SEMA4G: variants seen among roughly 807,000 people sequenced by gnomAD.
SEMA4G encodes the protein semaphorin 4G.
SEMA4G carries 59 observed loss-of-function variants against 81.2 expected under a neutral mutation model. The observed-to-expected ratio is 0.73, with a 90% CI of 0.59 to 0.90. SEMA4G has a LOEUF of 0.90. Ranked by LOEUF, SEMA4G falls within the 40% of genes least tolerant of loss-of-function variation. The pLI is 0.00. For synonymous variants in SEMA4G, 404 were observed against 433.9 expected, an observed-to-expected ratio of 0.93 and a Z score of 0.86; for missense variants, 952 against 1,102.3, an observed-to-expected ratio of 0.86 and a Z score of 1.93.
chr10:100,983,362 C>T (rs1158667773), exon 14 of SEMA4G: 1 of 1,604,550 alleles, frequency 6.2e-7, no homozygotes, highest in Non-Finnish European at 8.5e-7. Flanking sequence ...GTCCTCCTGC[C>T]CTGTGACCAG....
At chr10:100,979,705 G>A (rs1589989320) in intron 8 of SEMA4G, 143 bp from the exon 10 acceptor site, 1 of 935,836 alleles carries the variant, frequency 1.1e-6, no homozygotes, top group East Asian at 2.4e-5. Flanking sequence ...AATGAATGCA[G>A]TGGTCCACTG....
chr10:100,984,272 T>G, exon 14 of SEMA4G: 1 of 1,441,828 alleles, frequency 6.9e-7, no homozygotes, highest in Non-Finnish European at 9.1e-7. Context: ...CCTGTAGGGC[T>G]GGCCAGTCAG....
exon 13 of SEMA4G, chr10:100,981,203 G>A (rs757411949): frequency 6.8e-6 from 11 of 1,614,102 alleles, no homozygotes; most frequent in Middle Eastern, 1.6e-4. Flanking sequence ...AGAGGAAATC[G>A]AGGCTGTGAG....
exon 6 of SEMA4G, chr10:100,978,634 C>T: frequency 6.2e-7 from 1 of 1,612,980 alleles, no homozygotes; most frequent in Non-Finnish European, 8.5e-7. Context: ...AATGCATTGG[C>T]TCAATGGTTA....
intron 13 of SEMA4G, among the ~76,000 whole-genome samples, chr10:100,982,618 C>G (rs1159814438): frequency 6.6e-6 from 1 of 152,144 alleles, no homozygotes; most frequent in African/African-American, 2.4e-5. Flanking sequence ...ATGGTGAAAC[C>G]CTGTCTCTAC....
downstream of SEMA4G, chr10:100,985,404 G>A (rs1339982424): frequency 3.9e-5 from 6 of 153,360 alleles, no homozygotes; most frequent in African/African-American, 1.4e-4. Flanking sequence ...TTTTGTAGCT[G>A]AGAACGTGGA....
At chr10:100,977,779 G>A (rs1449003346) in intron 4 of SEMA4G, 49 bp downstream of exon 5, 1 of 1,451,114 alleles carries the variant, frequency 6.9e-7, no homozygotes, top group Non-Finnish European at 9.7e-7. Flanking sequence ...CATTAGGGAT[G>A]GGATCATGTT....
chr10:100,978,706 C>A (rs1262508419), intron 6 of SEMA4G, 66 bp downstream of exon 7: 3 of 1,557,326 alleles, frequency 1.9e-6, no homozygotes, highest in Non-Finnish European at 1.8e-6. Flanking sequence ...ACTCCCTTGG[C>A]CAGCTGACCA....
intron 4 of SEMA4G, 68 bp downstream of exon 5, chr10:100,977,798 C>A: frequency 1.5e-6 from 2 of 1,324,148 alleles, no homozygotes; most frequent in Middle Eastern, 1.8e-4. Flanking sequence ...TTCAAGATGC[C>A]AAAGAAGAGA....
At chr10:100,975,221 C>G in intron 3 of SEMA4G, 1 of 343,472 alleles carries the variant, frequency 2.9e-6, no homozygotes. Context: ...ATGTATCACC[C>G]AGGTATATTA....
intron 3 of SEMA4G, among the ~76,000 whole-genome samples, chr10:100,976,930 T>C (rs1049117514): frequency 6.6e-6 from 1 of 152,126 alleles, no homozygotes; most frequent in African/African-American, 2.4e-5. Context: ...GAAGAGGTCA[T>C]GGTGGTCATT....
chr10:100,979,358 T>C lies in SEMA4G; in HGVS notation c.983+87T>C, dbSNP rs766911572. 6.9e-6 allele frequency: 11 copies of C among 1,603,132 alleles called. No individual in the cohort carries two copies. In the East Asian group the frequency reaches 8.9e-5, roughly 13 times the overall value. On this transcript the variant is annotated intron_variant, in intron 8 of 13. Coordinates refer to ENST00000370250, the Ensembl canonical transcript of SEMA4G. ...TCAATGAGGATGAGATAGGATCCACTGTGGGGAGGTCTGGCTGCAAAGTGA... is the reference window on the plus strand; with the variant it reads ...TCAATGAGGATGAGATAGGATCCACCGTGGGGAGGTCTGGCTGCAAAGTGA...
At chr10:100,970,480 T>C (rs1016933849), upstream of SEMA4G, among the ~76,000 whole-genome samples, 7 of 152,054 alleles carry the variant, frequency 4.6e-5, no homozygotes, top group East Asian at 1.3e-3. Flanking sequence ...CCCTCCCTTG[T>C]AGAGCGGCCT....
rs144879682 is a variant in SEMA4G at position 100,983,566 on chromosome 10, G to T, written c.1952G>T (p.Arg651Leu). Residue 651 changes from arginine to leucine, a missense_variant, in exon 14 of 14, where the codon CGG becomes CTG. Transcript: ENST00000370250. ...CTGGCCTCCTATAGTCTCACAGTCC[G>T]GCCAGCCACTCCTGCCCCAGCTCCA... 4 of 1,613,786 alleles carry T rather than the reference G, an allele frequency of 2.5e-6. No individual in the cohort carries two copies. In the South Asian group the frequency reaches 3.3e-5, roughly 13 times the overall value.
chr10:100,983,624 A>C, exon 14 of SEMA4G: 1 of 1,613,994 alleles, frequency 6.2e-7, no homozygotes, highest in Non-Finnish European at 8.5e-7. Context: ...CACAGCTGGC[A>C]CCTGATGTGA....
In SEMA4G at chr10:100,980,696, A is replaced by G; in HGVS notation, c.1467+3A>G. On this transcript the variant is annotated splice_donor_region_variant and intron_variant, in intron 11 of 13. Transcript: ENST00000370250. ...ATCTAGTCATCTCTCTATTGCAGGT[A>G]GCCCTTCTCTGTGACCCTTAATATA... The G allele has an allele frequency of 1.2e-6, 2 of 1,612,328 alleles. No individual in the cohort carries two copies. Among genetic ancestry groups the G allele is most frequent in the South Asian group, 1.1e-5 (1 of 91,036 alleles).
chr10:100,984,821 C>T (rs1056944101), exon 14 of SEMA4G: 2 of 1,526,680 alleles, frequency 1.3e-6, no homozygotes, highest in African/African-American at 1.4e-5. Context: ...TGCATCACTC[C>T]CCTCCTCTCC....
chr10:100,983,929 C>A (rs773939741), exon 14 of SEMA4G: 9 of 1,601,532 alleles, frequency 5.6e-6, no homozygotes, highest in Non-Finnish European at 7.7e-6. Flanking sequence ...CCGCCCCCAC[C>A]GCCACCGGCT....
chr10:100,974,138 C>T (rs1019458542), intron 3 of SEMA4G, among the ~76,000 whole-genome samples: 1 of 152,148 alleles, frequency 6.6e-6, no homozygotes, highest in South Asian at 2.1e-4. Flanking sequence ...GCAGTGGCAT[C>T]TTCATCTCCT....
Sources: gnomAD v4.1 joint callset for allele counts (sites outside exome capture counted in the v4.1 genomes callset) on GRCh38, gnomAD v4.1.1 for gene constraint, MANE v1.5 for transcripts, NCBI Gene and HGNC (gene_info 2026-07-23, HGNC 2026-07-21) for gene names.